The following LMLN variants were observed in gnomAD, a reference collection of about 807,000 sequenced individuals.
LMLN encodes the protein leishmanolysin-like peptidase.
A neutral mutation model predicts 92.3 loss-of-function variants in LMLN; 70 were observed. The ratio of observed to expected loss-of-function variants is 0.76; its 90% CI spans 0.63 to 0.92. The LOEUF is 0.92. LMLN is among the 40% of genes least tolerant of loss of function. The pLI is 0.00. For missense variants in LMLN, 691 were observed against 814.6 expected (o/e 0.85, Z 1.85); for synonymous variants, 308 against 296.2 (o/e 1.04, Z -0.41).
At chr3:198,030,673 T>C (rs1379844786) in intron 14 of LMLN, among the ~76,000 whole-genome samples, 1 of 152,238 alleles carries the variant, frequency 6.6e-6, no homozygotes, top group East Asian at 1.9e-4. Flanking sequence ...TGGAGGTCCC[T>C]CTGGTCCCTC....
At position 198,019,180 on chromosome 3, in the gene LMLN, T is replaced by C; in HGVS notation, c.1233-73T>C. 7.1e-7 allele frequency: 1 copy of C among 1,413,440 alleles called. No homozygotes were observed. The highest frequency in any genetic ancestry group is 9.6e-7 in the Non-Finnish European group (1 of 1,045,076). 87.6% of individuals were successfully genotyped at this position (1,413,440 alleles called of 1,614,324 possible). ...TTTTAGGCCAGGATCTGGAATTCCATTTGTTGGCTGTATAATGGACTTGCA... is the reference window on the plus strand; with the variant it reads ...TTTTAGGCCAGGATCTGGAATTCCACTTGTTGGCTGTATAATGGACTTGCA... On this transcript the variant is annotated intron_variant, in intron 11 of 15. Transcript: ENST00000330198. This position sits in a 1 kb window ranked among gnomAD's most constrained non-coding sequence, Gnocchi z 5.5.
rs916289548 is a variant in LMLN at position 198,025,359 on chromosome 3, C to T, written c.1656+571C>T. Among the ~76,000 whole-genome samples, 1 of 152,188 alleles carries T rather than the reference C, an allele frequency of 6.6e-6. No individual in the cohort carries two copies. Among genetic ancestry groups the T allele is most frequent in the Admixed American group, 6.6e-5 (1 of 15,266 alleles). On this transcript the variant is annotated intron_variant, in intron 14 of 15. Transcript: ENST00000330198. The surrounding 1 kb of genome is among the most constrained non-coding windows in gnomAD (Gnocchi z 4.3). Reference sequence around the variant, plus strand: ...TTAGAAATCCAAAAAGGGCAAACTACAATTTTTTTTCCTTTTTCTTTTTCT... The same window carrying T: ...TTAGAAATCCAAAAAGGGCAAACTATAATTTTTTTTCCTTTTTCTTTTTCT...
intron 14 of LMLN, among the ~76,000 whole-genome samples, chr3:198,032,399 A>G (rs1208810763): frequency 6.6e-6 from 1 of 152,238 alleles, no homozygotes; most frequent in Non-Finnish European, 1.5e-5. Context: ...TCCCCAGAAC[A>G]GAAAAACTCT....
intron 7 of LMLN, 153 bp from the exon 8 acceptor site, chr3:197,985,643 T>C (rs571364637): frequency 9.0e-5 from 43 of 478,904 alleles, no homozygotes; most frequent in African/African-American, 7.6e-4. Context: ...GAACACTTAA[T>C]TGTTGTTCAA....
At chr3:197,997,016 CTTTCT>C (rs781458174) in intron 10 of LMLN, among the ~76,000 whole-genome samples, 2,337 of 149,416 alleles carry the variant, frequency 0.016, 55 homozygotes, top group African/African-American at 0.048. Flanking sequence ...TTTTCTTTTC[CTTTCT>C]TTTCTTTTCT....
At chr3:197,990,743 T>TA in intron 9 of LMLN, 67 bp downstream of exon 9, 3 of 748,902 alleles carry the variant, frequency 4.0e-6, no homozygotes. Context: ...GTCCTTTCTT[T>TA]ACTCATCATT....
chr3:197,980,050 C>T (rs757357816), intron 5 of LMLN, among the ~76,000 whole-genome samples: 1 of 152,044 alleles, frequency 6.6e-6, no homozygotes, highest in Admixed American at 6.6e-5. Context: ...GTCTTTTCAG[C>T]GTCCTGTTTG....
At chr3:198,040,881 A>T (rs1723384908) in exon 16 of LMLN, 1 of 116,776 alleles carries the variant, frequency 8.6e-6, no homozygotes. Flanking sequence ...TGTAACCACA[A>T]CCCTCGGACA....
At chr3:198,012,360 C>A (rs1722470384) in intron 11 of LMLN, among the ~76,000 whole-genome samples, 1 of 152,220 alleles carries the variant, frequency 6.6e-6, no homozygotes, top group Non-Finnish European at 1.5e-5. Context: ...CCACCGTGTA[C>A]ATTCGGACGC....
chr3:198,021,223 G>A (rs1197993150), intron 12 of LMLN, among the ~76,000 whole-genome samples: 2 of 152,064 alleles, frequency 1.3e-5, no homozygotes, highest in Non-Finnish European at 2.9e-5. Flanking sequence ...TATAACTTAA[G>A]ACTCATTTAC....
chr3:197,996,472 T>C, intron 10 of LMLN, 190 bp downstream of exon 10: 1 of 395,390 alleles, frequency 2.5e-6, no homozygotes, highest in Non-Finnish European at 4.5e-6. Flanking sequence ...ATGTTATATA[T>C]GTATGTGTGT....
At chr3:197,969,007 G>A (rs937552788) in intron 1 of LMLN, among the ~76,000 whole-genome samples, 2 of 151,786 alleles carry the variant, frequency 1.3e-5, no homozygotes, top group African/African-American at 4.8e-5. Flanking sequence ...ATTCCTTTAT[G>A]ATCATCTCTA....
At chr3:198,026,601 G>A (rs80001746) in intron 14 of LMLN, among the ~76,000 whole-genome samples, 4,176 of 152,274 alleles carry the variant, frequency 0.027, 65 homozygotes, top group African/African-American at 0.036. Context: ...CACCAGTCCT[G>A]GCCGAATATT....
intron 8 of LMLN, among the ~76,000 whole-genome samples, chr3:197,988,857 T>C (rs1435428211): frequency 6.6e-6 from 1 of 151,942 alleles, no homozygotes; most frequent in Non-Finnish European, 1.5e-5. Context: ...AATTTTTGTG[T>C]TTTTAGTAGA....
intron 14 of LMLN, among the ~76,000 whole-genome samples, chr3:198,033,399 TA>T (rs199886696): frequency 2.7e-5 from 3 of 111,458 alleles, no homozygotes; most frequent in South Asian, 2.4e-4. Flanking sequence ...TAGTATTTTA[TA>T]AAAAAAATTA....
chr3:197,976,516 T>C (rs1326483503), intron 4 of LMLN, 82 bp from the exon 5 acceptor site: 1 of 676,454 alleles, frequency 1.5e-6, no homozygotes, highest in South Asian at 2.2e-5. Context: ...ATATAGCAGC[T>C]ACCAGTTGGT....
chr3:197,976,280 T>C, intron 4 of LMLN, 169 bp downstream of exon 4: 1 of 523,128 alleles, frequency 1.9e-6, no homozygotes, highest in Non-Finnish European at 3.4e-6. Flanking sequence ...TGCTGGATAA[T>C]CATTCTTTCC....
chr3:198,023,320 CCAGGACTACAGG>C (rs1021180137), intron 13 of LMLN, among the ~76,000 whole-genome samples: 7 of 152,160 alleles, frequency 4.6e-5, no homozygotes, highest in Non-Finnish European at 7.4e-5. Flanking sequence ...CTCCCCAGAG[CCAGGACTACAGG>C]CATGCACCTC....
Position 198,035,848 on chromosome 3 carries a change from C to A in LMLN, c.1672C>A (p.Gln558Lys), listed in dbSNP as rs113657104. ...CTGTTTGAAGGTTTCTTGTTCTCCT[C>A]AAGGTCTGAAAGTTTGGGTCCAAGA... is the stretch of plus-strand genomic sequence containing the variant. The change falls in exon 15 of 16, where the codon CAA (glutamine) becomes AAA (lysine). Residue 558 changes from glutamine to lysine, a missense_variant. Coordinates refer to ENST00000330198, the Ensembl canonical transcript of LMLN. 8.4e-5 allele frequency: 136 copies of A among 1,613,884 alleles called. 1 individual carries two copies. The African/African-American group carries it at 1.7e-3, about 20-fold the overall frequency.
Sources: gnomAD v4.1 joint callset for allele counts (sites outside exome capture counted in the v4.1 genomes callset) on GRCh38, gnomAD v4.1.1 for gene constraint, Gnocchi (gnomAD v3.1) non-coding constraint, MANE v1.5 for transcripts, NCBI Gene and HGNC (gene_info 2026-07-23, HGNC 2026-07-21) for gene names.